Variants in NRXN1 observed in about 807,000 individuals in gnomAD.
NRXN1 encodes neurexin 1.
In NRXN1, 39 loss-of-function variants were observed where a neutral mutation model predicts 150.9. The ratio of observed to expected loss-of-function variants is 0.26; its 90% confidence interval spans 0.20 to 0.34. The LOEUF (loss-of-function observed/expected upper bound fraction) is 0.34, where lower values mean the gene tolerates loss of function less well. NRXN1 is among the 10% of genes least tolerant of loss of function. NRXN1 has a pLI of 1.00. For missense variants in NRXN1, 1,815 were observed against 1,949.9 expected, an observed-to-expected ratio of 0.93 and a Z score of 1.30; for synonymous variants, 924 against 757.0, an observed-to-expected ratio of 1.22 and a Z score of -3.62.
At chr2:50,285,860 T>C (rs932003944) in intron 17 of NRXN1, among the ~76,000 whole-genome samples, 11 of 138,238 alleles carry the variant, frequency 8.0e-5, no homozygotes, top group African/African-American at 2.5e-4. Flanking sequence ...AAGAGTTTTT[T>C]TGAAAAACAA....
intron 18 of NRXN1, among the ~76,000 whole-genome samples, chr2:50,189,240 A>T (rs1274826571): frequency 6.6e-6 from 1 of 152,164 alleles, no homozygotes; most frequent in Non-Finnish European, 1.5e-5. Flanking sequence ...GCTGGAAACC[A>T]TCATTCTCAG....
chr2:50,597,063 C>G (rs1020722996), intron 8 of NRXN1, among the ~76,000 whole-genome samples: 2 of 151,882 alleles, frequency 1.3e-5, no homozygotes, highest in African/African-American at 2.4e-5. Context: ...AGGCTGATCT[C>G]TAACTCCTGG....
intron 2 of NRXN1, among the ~76,000 whole-genome samples, chr2:50,938,663 T>TTC (rs1371364155): frequency 1.3e-5 from 2 of 152,208 alleles, no homozygotes; most frequent in African/African-American, 4.8e-5. Flanking sequence ...TGACTCACAG[T>TTC]TCTGCATGGC....
At position 50,266,833 on chromosome 2, in the gene NRXN1, G is replaced by C. The variant is rs368969321; in HGVS notation, c.3365-29863C>G. ...AAAGATACGTTTGGTATTTAAGAAA[G>C]CATAAAGGGAGCATAACTCCATTCA... On this transcript the variant is annotated intron_variant, in intron 17 of 22. Coordinates refer to ENST00000401669, the MANE Select transcript of NRXN1 (RefSeq NM_001330078.2). Among the ~76,000 whole-genome samples the C allele has an allele frequency of 8.7e-4, 132 of 152,206 alleles. 1 individual carries two copies. The highest frequency in any genetic ancestry group is 3.1e-3 in the African/African-American group (128 of 41,530).
intron 21 of NRXN1, among the ~76,000 whole-genome samples, chr2:49,998,441 G>A (rs574124254): frequency 1.3e-5 from 2 of 152,174 alleles, no homozygotes; most frequent in East Asian, 3.9e-4. Context: ...CCCATAATAT[G>A]TACTTGGTTG....
At chr2:50,951,480 T>A (rs1212768875) in intron 2 of NRXN1, among the ~76,000 whole-genome samples, 2 of 152,186 alleles carry the variant, frequency 1.3e-5, no homozygotes, top group African/African-American at 4.8e-5. Context: ...GAACACCAAG[T>A]ATTTTTGGCA....
intron 2 of NRXN1, among the ~76,000 whole-genome samples, chr2:50,937,419 G>A (rs1317518201): frequency 6.6e-6 from 1 of 152,050 alleles, no homozygotes; most frequent in Non-Finnish European, 1.5e-5. Context: ...AGTAGCATGG[G>A]AATGAGTATG....
At chr2:50,912,001 A>G (rs1684592696) in intron 5 of NRXN1, among the ~76,000 whole-genome samples, 1 of 151,868 alleles carries the variant, frequency 6.6e-6, no homozygotes, top group African/African-American at 2.4e-5. Flanking sequence ...TTTTAAAGCA[A>G]GTTAATAATT....
At chr2:50,569,502 A>C (rs1670344335) in intron 8 of NRXN1, among the ~76,000 whole-genome samples, 1 of 152,058 alleles carries the variant, frequency 6.6e-6, no homozygotes, top group South Asian at 2.1e-4. Flanking sequence ...AACCAGTCAA[A>C]ATTTGTTATA....
intron 21 of NRXN1, among the ~76,000 whole-genome samples, chr2:50,044,943 C>T (rs1344551406): frequency 1.3e-5 from 2 of 152,020 alleles, no homozygotes; most frequent in Admixed American, 6.6e-5. Flanking sequence ...TGTTAATTAC[C>T]ATTTGGAATG....
intron 8 of NRXN1, among the ~76,000 whole-genome samples, chr2:50,617,047 T>TA (rs1679175908): frequency 6.6e-6 from 1 of 152,208 alleles, no homozygotes; most frequent in African/African-American, 2.4e-5. Context: ...CAATCCATGA[T>TA]ACTTTGTCAC....
intron 5 of NRXN1, among the ~76,000 whole-genome samples, chr2:50,892,022 T>C (rs1169171563): frequency 6.6e-6 from 1 of 152,122 alleles, no homozygotes; most frequent in Non-Finnish European, 1.5e-5. Flanking sequence ...AACTTACAGC[T>C]GTATAATATA....
intron 18 of NRXN1, among the ~76,000 whole-genome samples, chr2:50,125,906 C>G (rs980592349): frequency 6.6e-6 from 1 of 151,996 alleles, no homozygotes; most frequent in Non-Finnish European, 1.5e-5. Context: ...GTGGTATAAC[C>G]TAACTAAGAT....
intron 5 of NRXN1, among the ~76,000 whole-genome samples, chr2:50,637,802 G>A (rs1459377195): frequency 6.6e-6 from 1 of 152,038 alleles, no homozygotes; most frequent in African/African-American, 2.4e-5. Context: ...GCCAGAGAAT[G>A]GCTGTGAGGG....
intron 12 of NRXN1, among the ~76,000 whole-genome samples, chr2:50,521,200 T>C (rs2092779345): frequency 6.6e-6 from 1 of 152,190 alleles, no homozygotes; most frequent in Admixed American, 6.6e-5. Context: ...TGTTAACTCA[T>C]ATCTTAAATC....
intron 5 of NRXN1, among the ~76,000 whole-genome samples, chr2:50,681,378 C>G (rs987625175): frequency 1.3e-5 from 2 of 152,120 alleles, no homozygotes; most frequent in Non-Finnish European, 2.9e-5. Context: ...TTCAAATAAA[C>G]AAAATAATTT....
intron 22 of NRXN1, among the ~76,000 whole-genome samples, chr2:49,935,981 T>A (rs1438715974): frequency 1.3e-5 from 2 of 152,194 alleles, no homozygotes; most frequent in Non-Finnish European, 2.9e-5. Flanking sequence ...GCCATACTGT[T>A]AAAAGGCTAT....
intron 2 of NRXN1, among the ~76,000 whole-genome samples, chr2:50,958,813 T>A (rs2104666837): frequency 6.6e-6 from 1 of 152,256 alleles, no homozygotes; most frequent in Non-Finnish European, 1.5e-5. Context: ...TCAGCAGCTG[T>A]GTGATCTCAG....
intron 5 of NRXN1, among the ~76,000 whole-genome samples, chr2:50,844,723 C>T (rs1026676195): frequency 3.9e-5 from 6 of 152,166 alleles, no homozygotes; most frequent in Admixed American, 6.5e-5. Context: ...ATAGTCGGTT[C>T]GTCATTCCTC....
Sources: allele counts gnomAD v4.1 joint callset (sites outside exome capture counted in the v4.1 genomes callset), GRCh38; gene constraint gnomAD v4.1.1; transcripts MANE v1.5; gene names NCBI Gene and HGNC (gene_info 2026-07-23, HGNC 2026-07-21).